Variants in GTF2IRD1 observed in about 807,000 individuals in gnomAD.
GTF2IRD1 encodes general transcription factor II-I repeat domain-containing protein 1.
A neutral mutation model predicts 113.2 loss-of-function variants in GTF2IRD1; 26 were observed. The ratio of observed to expected loss-of-function variants is 0.23; its 90% confidence interval spans 0.17 to 0.32. The LOEUF is 0.32. Among genes scored for constraint, GTF2IRD1 ranks in the 10% least tolerant of loss-of-function variants. The probability of loss-of-function intolerance (pLI) is 1.00; values close to 1 mark genes in which losing one functional copy is unlikely to be tolerated. For missense variants in GTF2IRD1, 864 were observed against 1,280.8 expected (o/e 0.67, Z 4.97); for synonymous variants, 484 against 529.1 (o/e 0.91, Z 1.17).
At chr7:74,546,556 C>T (rs1387589962) in intron 16 of GTF2IRD1, among the ~76,000 whole-genome samples, 5 of 152,106 alleles carry the variant, frequency 3.3e-5, no homozygotes, top group Non-Finnish European at 4.4e-5. Context: ...ACAAAATCCC[C>T]GTGTCCTAAG....
intron 1 of GTF2IRD1, among the ~76,000 whole-genome samples, chr7:74,472,232 G>A (rs946824043): frequency 4.8e-5 from 7 of 144,670 alleles, no homozygotes; most frequent in African/African-American, 1.3e-4. Flanking sequence ...GCATAGGGCC[G>A]GGGCCAGGTG....
intron 2 of GTF2IRD1, among the ~76,000 whole-genome samples, chr7:74,509,538 A>C (rs189290905): frequency 6.6e-6 from 1 of 152,224 alleles, no homozygotes; most frequent in Admixed American, 6.5e-5. Context: ...TCAATTAAAA[A>C]AATTTTTTTA....
chr7:74,544,759 A>G lies in GTF2IRD1; in HGVS notation c.1623A>G (p.Lys541=). The G allele has an allele frequency of 6.2e-7, 1 of 1,613,842 alleles. No homozygotes were observed. Among genetic ancestry groups the G allele is most frequent in the South Asian group, 1.1e-5 (1 of 91,060 alleles). The change falls in exon 15 of 27, where the codon AAA becomes AAG. Residue 541 remains lysine (K), a synonymous_variant. Transcript: ENST00000424337. ...GCATCCTCTGTTCTCTTTTAGACAA[A>G]GGTCTGAGTGAGGACGCGCGGCCCG... ...SGYGMEMLTD[K]GLSEDARPEE...
chr7:74,590,005 C>T, intron 23 of GTF2IRD1, 77 bp downstream of exon 23: 1 of 938,202 alleles, frequency 1.1e-6, no homozygotes, highest in East Asian at 2.5e-5. Context: ...TGCAGCCAGC[C>T]TGGCTTTCAG....
chr7:74,488,397 A>C (rs1286233433), intron 1 of GTF2IRD1, among the ~76,000 whole-genome samples: 1 of 152,228 alleles, frequency 6.6e-6, no homozygotes, highest in Non-Finnish European at 1.5e-5. Flanking sequence ...ACCTGTAGTC[A>C]AAAACAAATG....
At chr7:74,593,868 C>T (rs1287767516) in intron 24 of GTF2IRD1, among the ~76,000 whole-genome samples, 2 of 151,830 alleles carry the variant, frequency 1.3e-5, no homozygotes, top group Non-Finnish European at 2.9e-5. Context: ...TGCACCACTG[C>T]ACTCCAGCCT....
chr7:74,515,420 C>T (rs1417332915), intron 3 of GTF2IRD1, 21 bp from the exon 4 acceptor site: 4 of 1,561,608 alleles, frequency 2.6e-6, no homozygotes, highest in Admixed American at 1.9e-5. Context: ...ACTGTGGCCT[C>T]GCGTGCTCTG....
At chr7:74,479,361 C>T (rs1223140957) in intron 1 of GTF2IRD1, among the ~76,000 whole-genome samples, 14 of 149,410 alleles carry the variant, frequency 9.4e-5, no homozygotes, top group Non-Finnish European at 1.3e-4. Context: ...CACCCACCCA[C>T]TCCCACAGCC....
chr7:74,514,085 C>T (rs1554343799), intron 3 of GTF2IRD1, among the ~76,000 whole-genome samples: 1 of 152,148 alleles, frequency 6.6e-6, no homozygotes, highest in African/African-American at 2.4e-5. Flanking sequence ...TCAACCCACT[C>T]ATCTGTGAAA....
At chr7:74,496,046 G>A (rs1554337783) in intron 1 of GTF2IRD1, among the ~76,000 whole-genome samples, 1 of 147,560 alleles carries the variant, frequency 6.8e-6, no homozygotes, top group African/African-American at 2.6e-5. Context: ...GTGCATGTGT[G>A]CACACATGTG....
chr7:74,503,759 T>C (rs1796156256), intron 1 of GTF2IRD1, among the ~76,000 whole-genome samples: 1 of 152,142 alleles, frequency 6.6e-6, no homozygotes, highest in Non-Finnish European at 1.5e-5. Context: ...ATAATAATAA[T>C]TTTAACTTTT....
At chr7:74,496,620 G>A (rs568808748) in intron 1 of GTF2IRD1, among the ~76,000 whole-genome samples, 1 of 150,224 alleles carries the variant, frequency 6.7e-6, no homozygotes, top group East Asian at 2.0e-4. Flanking sequence ...ATGTGGGTGT[G>A]CGTGTGGGTG....
intron 1 of GTF2IRD1, among the ~76,000 whole-genome samples, chr7:74,455,623 G>A (rs528098368): frequency 6.6e-5 from 10 of 152,266 alleles, no homozygotes; most frequent in East Asian, 1.9e-4. Flanking sequence ...GTCATGAACC[G>A]CCCTATTTGG....
intron 1 of GTF2IRD1, among the ~76,000 whole-genome samples, chr7:74,493,322 GGCT>G (rs1294055273): frequency 6.6e-6 from 1 of 151,454 alleles, no homozygotes; most frequent in Non-Finnish European, 1.5e-5. Context: ...ATGTTTCCCA[GGCT>G]GGTCTCAAAC....
intron 8 of GTF2IRD1, among the ~76,000 whole-genome samples, chr7:74,525,337 G>T (rs1797538889): frequency 6.6e-6 from 1 of 152,136 alleles, no homozygotes; most frequent in Admixed American, 6.6e-5. Flanking sequence ...TTGGGAACTT[G>T]ACGCCCCCTG....
intron 6 of GTF2IRD1, among the ~76,000 whole-genome samples, chr7:74,520,837 ATATACTAT>A (rs1486655456): frequency 3.2e-4 from 34 of 106,504 alleles, no homozygotes; most frequent in African/African-American, 1.1e-3. Context: ...TGTAAGTTAT[ATATACTAT>A]TATTATTATT....
chr7:74,456,635 A>G (rs1792995044), intron 1 of GTF2IRD1, among the ~76,000 whole-genome samples: 1 of 151,706 alleles, frequency 6.6e-6, no homozygotes, highest in South Asian at 2.1e-4. Context: ...GTGAGCCAAG[A>G]CCGCACCACT....
intron 3 of GTF2IRD1, 85 bp from the exon 4 acceptor site, chr7:74,515,356 C>T: frequency 1.3e-6 from 2 of 1,539,818 alleles, no homozygotes; most frequent in Non-Finnish European, 8.7e-7. Flanking sequence ...CTCCGCAGCT[C>T]AGCACAGGGC....
intron 17 of GTF2IRD1, among the ~76,000 whole-genome samples, chr7:74,549,306 A>AC (rs1799150344): frequency 2.0e-5 from 3 of 151,696 alleles, no homozygotes; most frequent in African/African-American, 7.3e-5. Flanking sequence ...CTGTCTCAAA[A>AC]AAAAAAAAAA....
Sources: allele counts gnomAD v4.1 joint callset (sites outside exome capture counted in the v4.1 genomes callset), GRCh38; gene constraint gnomAD v4.1.1; transcripts MANE v1.5; gene names NCBI Gene and HGNC (gene_info 2026-07-23, HGNC 2026-07-21).